The following MGAT4C variants were observed in gnomAD, a reference collection of about 807,000 sequenced individuals.
The protein encoded by MGAT4C is alpha-1,3-mannosyl-glycoprotein 4-beta-N-acetylglucosaminyltransferase C.
In MGAT4C, 19 loss-of-function variants were observed where a neutral mutation model predicts 40.1. That is an observed-to-expected ratio of 0.47 (90% CI 0.33 to 0.70). The LOEUF is 0.70. MGAT4C is among the 30% of genes least tolerant of loss of function. MGAT4C has a pLI of 0.02. For missense variants in MGAT4C, 491 were observed against 563.2 expected (o/e 0.87, Z 1.30); for synonymous variants, 181 against 187.1 (o/e 0.97, Z 0.27).
At chr12:86,003,759 A>C (rs1203391253) in intron 2 of MGAT4C, among the ~76,000 whole-genome samples, 1 of 152,268 alleles carries the variant, frequency 6.6e-6, no homozygotes, top group South Asian at 2.1e-4. Context: ...AAGAAGAAGA[A>C]GAAGAAGAAG....
At chr12:86,399,209 G>T (rs1204776913) in intron 3 of MGAT4C, among the ~76,000 whole-genome samples, 2 of 151,128 alleles carry the variant, frequency 1.3e-5, no homozygotes, top group Admixed American at 1.3e-4. Flanking sequence ...TGACCTCGTG[G>T]TCTGCCTGCC....
intron 2 of MGAT4C, among the ~76,000 whole-genome samples, chr12:86,048,029 A>G (rs956449294): frequency 6.6e-6 from 1 of 152,182 alleles, no homozygotes; most frequent in African/African-American, 2.4e-5. Context: ...CAAATAAAAT[A>G]GAAACTTGGA....
chr12:86,506,317 T>C (rs1015116613), intron 2 of MGAT4C, among the ~76,000 whole-genome samples: 1 of 152,178 alleles, frequency 6.6e-6, no homozygotes, highest in Non-Finnish European at 1.5e-5. Flanking sequence ...TAAATGAAAG[T>C]TTTGTTTTGC....
intron 1 of MGAT4C, among the ~76,000 whole-genome samples, chr12:86,812,806 TG>T (rs1281848437): frequency 6.6e-6 from 1 of 152,120 alleles, no homozygotes. Context: ...CAACCTTTAC[TG>T]GGCTATCCCA....
chr12:86,819,246 A>G (rs1952663341), intron 1 of MGAT4C, among the ~76,000 whole-genome samples: 1 of 150,860 alleles, frequency 6.6e-6, no homozygotes, highest in Admixed American at 6.6e-5. Flanking sequence ...TAAAAAACTG[A>G]AGCTAAAATA....
intron 2 of MGAT4C, among the ~76,000 whole-genome samples, chr12:86,620,765 T>C (rs1004122681): frequency 6.6e-6 from 1 of 152,186 alleles, no homozygotes; most frequent in Non-Finnish European, 1.5e-5. Flanking sequence ...GGTGATTGAA[T>C]CATGGAGGCA....
At chr12:86,630,569 T>C (rs1471445819) in intron 2 of MGAT4C, among the ~76,000 whole-genome samples, 2 of 152,192 alleles carry the variant, frequency 1.3e-5, no homozygotes, top group East Asian at 3.9e-4. Context: ...CAAGTTGGTT[T>C]CATCCCTGGG....
At chr12:86,435,693 A>G (rs1344377258) in intron 2 of MGAT4C, among the ~76,000 whole-genome samples, 1 of 151,870 alleles carries the variant, frequency 6.6e-6, no homozygotes, top group Non-Finnish European at 1.5e-5. Flanking sequence ...TGAACATTCT[A>G]TATCTCTGCT....
chr12:86,104,333 A>G (rs1875732078), intron 1 of MGAT4C, among the ~76,000 whole-genome samples: 1 of 151,924 alleles, frequency 6.6e-6, no homozygotes, highest in African/African-American at 2.4e-5. Flanking sequence ...CCAGCTACTC[A>G]GGAGATGGAG....
intron 2 of MGAT4C, among the ~76,000 whole-genome samples, chr12:86,634,252 G>C (rs1431006177): frequency 6.6e-6 from 1 of 151,994 alleles, no homozygotes; most frequent in Non-Finnish European, 1.5e-5. Context: ...TAATCTGCCA[G>C]GTGTTACCTG....
intron 1 of MGAT4C, among the ~76,000 whole-genome samples, chr12:86,737,014 T>TAAA: frequency 7.7e-6 from 1 of 129,764 alleles, no homozygotes; most frequent in Non-Finnish European, 1.7e-5. Context: ...TGCAATTCTA[T>TAAA]AAAAAAAAAA....
At chr12:86,493,606 A>T (rs10776981) in intron 2 of MGAT4C, among the ~76,000 whole-genome samples, 1 of 147,930 alleles carries the variant, frequency 6.8e-6, no homozygotes, top group South Asian at 2.2e-4. Flanking sequence ...ATGAGAACAC[A>T]TGGACACAGG....
intron 2 of MGAT4C, among the ~76,000 whole-genome samples, chr12:86,678,964 C>T (rs1259612501): frequency 1.3e-5 from 2 of 152,042 alleles, no homozygotes; most frequent in Non-Finnish European, 2.9e-5. Context: ...ATGGCTGGGT[C>T]AAATGGTATT....
In MGAT4C at chr12:85,966,774, T is replaced by C. The variant is rs534423538; in HGVS notation, c.*12515A>G. Reference sequence around the variant, plus strand: ...GGGACATGGATGAAGCTGGAAACCATCATTCTCAGCAAACTATTGCAACGA... The same window carrying C: ...GGGACATGGATGAAGCTGGAAACCACCATTCTCAGCAAACTATTGCAACGA... On this transcript the variant is annotated 3_prime_UTR_variant, in exon 5 of 5. Transcript: ENST00000611864. The C allele has an allele frequency of 6.6e-6, 1 of 151,970 alleles. No individual in the cohort carries two copies. Among genetic ancestry groups the C allele is most frequent in the Non-Finnish European group, 1.5e-5 (1 of 68,056 alleles). 9.4% of individuals were successfully genotyped at this position (151,970 alleles called of 1,614,324 possible).
intron 2 of MGAT4C, among the ~76,000 whole-genome samples, chr12:86,576,557 G>T (rs1009702849): frequency 6.6e-6 from 1 of 151,816 alleles, no homozygotes; most frequent in African/African-American, 2.4e-5. Flanking sequence ...AGTTTTTCCA[G>T]CACCATTTAT....
chr12:86,246,176 T>C (rs1323817801), intron 1 of MGAT4C, among the ~76,000 whole-genome samples: 1 of 139,086 alleles, frequency 7.2e-6, no homozygotes, highest in African/African-American at 2.6e-5. Flanking sequence ...TAGTGTACCA[T>C]TGCTTTTTTT....
At chr12:86,409,335 C>T (rs773328530) in intron 3 of MGAT4C, among the ~76,000 whole-genome samples, 11 of 151,974 alleles carry the variant, frequency 7.2e-5, no homozygotes, top group African/African-American at 1.4e-4. Context: ...ATGCCAAGAG[C>T]GTAATGATAA....
intron 2 of MGAT4C, among the ~76,000 whole-genome samples, chr12:86,502,211 T>C (rs1006826929): frequency 1.3e-5 from 2 of 152,014 alleles, no homozygotes; most frequent in African/African-American, 4.8e-5. Context: ...TGGGAAAACC[T>C]TAAATACCTA....
In MGAT4C at chr12:85,979,895, T is replaced by C. The variant is rs1402701879; in HGVS notation, c.831A>G (p.Leu277=). The stretch of plus-strand genomic sequence containing the variant: ...CACAAGGCATTTCTTGATAAAACAT[T>C]AATAAAAAATGGGCCAAACGTGGGA... ...HDLPRLAHFL[L]MFYQEMPCDW... Residue 277 remains leucine (L), a synonymous_variant, in exon 5 of 5, where the codon TTA becomes TTG. Transcript: ENST00000611864. 6.2e-7 allele frequency: 1 copy of C among 1,613,678 alleles called. No individual in the cohort carries two copies. The highest frequency in any genetic ancestry group is 8.5e-7 in the Non-Finnish European group (1 of 1,179,800).
Sources: allele counts gnomAD v4.1 joint callset (sites outside exome capture counted in the v4.1 genomes callset), GRCh38; gene constraint gnomAD v4.1.1; transcripts MANE v1.5; gene names NCBI Gene and HGNC (gene_info 2026-07-23, HGNC 2026-07-21).